The following RUNX2 variants were observed in gnomAD, a reference collection of about 807,000 sequenced individuals.
RUNX2 encodes runt-related transcription factor 2.
In RUNX2, 10 loss-of-function variants were observed where a neutral mutation model predicts 51.7. That is an observed-to-expected ratio of 0.19 (90% CI 0.12 to 0.33). The LOEUF is 0.33. Ranked by LOEUF, RUNX2 falls within the 10% of genes least tolerant of loss-of-function variation. The pLI, the probability that RUNX2 is intolerant of heterozygous loss-of-function variation, is 1.00. For synonymous variants in RUNX2, 276 were observed against 273.6 expected (o/e 1.01, Z -0.09); for missense variants, 562 against 691.3 (o/e 0.81, Z 2.10).
chr6:45,422,564 T>C (rs755490044), intron 2 of RUNX2, 29 bp from the exon 3 acceptor site: 7 of 1,385,234 alleles, frequency 5.1e-6, no homozygotes, highest in African/African-American at 4.6e-5. Flanking sequence ...TTCGCTAACT[T>C]GTGGCTGTTG....
chr6:45,549,560 G>T lies in RUNX2; in HGVS notation c.*2255G>T, dbSNP rs1412055849. 1 of 394,966 alleles carries T rather than the reference G, an allele frequency of 2.5e-6. No homozygotes were observed. Among genetic ancestry groups the T allele is most frequent in the East Asian group, 3.6e-5 (1 of 27,870 alleles). The allele number at this position is 394,966 out of a possible 1,614,324, so 24.5% of individuals were successfully genotyped here. ...TACTATTTATTGTTTGTGTGTGGTAGCTTGAAGCACACCACTGTCCATTTA... is the reference window on the plus strand; with the variant it reads ...TACTATTTATTGTTTGTGTGTGGTATCTTGAAGCACACCACTGTCCATTTA... On this transcript the variant is annotated 3_prime_UTR_variant, in exon 9 of 9. Coordinates refer to ENST00000647337, the MANE Select transcript of RUNX2 (RefSeq NM_001024630.4).
chr6:45,471,644 C>T (rs184550556), intron 5 of RUNX2, among the ~76,000 whole-genome samples: 1 of 152,168 alleles, frequency 6.6e-6, no homozygotes, highest in African/African-American at 2.4e-5. Context: ...TGGGGTTTCA[C>T]CTTGTTAGCC....
chr6:45,511,957 T>C (rs1201651620), intron 6 of RUNX2, among the ~76,000 whole-genome samples: 5 of 152,194 alleles, frequency 3.3e-5, no homozygotes, highest in African/African-American at 1.2e-4. Flanking sequence ...TAAATGACTA[T>C]TAGACTTTCG....
At chr6:45,445,921 CT>C (rs200663297) in intron 5 of RUNX2, among the ~76,000 whole-genome samples, 7 of 150,666 alleles carry the variant, frequency 4.6e-5, no homozygotes, top group Non-Finnish European at 8.9e-5. Context: ...TCTTTCAGTC[CT>C]TTTTTTTTGT....
intron 7 of RUNX2, among the ~76,000 whole-genome samples, chr6:45,515,145 G>A (rs749763456): frequency 6.6e-6 from 1 of 152,012 alleles, no homozygotes; most frequent in Admixed American, 6.6e-5. Context: ...ATGTTTTTGT[G>A]TGCATTGATC....
chr6:45,422,478 T>TAC, intron 2 of RUNX2, 115 bp from the exon 3 acceptor site: 1 of 569,520 alleles, frequency 1.8e-6, no homozygotes, highest in South Asian at 1.8e-5. Flanking sequence ...CCATCCTCTT[T>TAC]CCCCCCGTCT....
At position 45,359,618 on chromosome 6, in the gene RUNX2, C is replaced by T. The variant is rs1395812170; in HGVS notation, c.58+30834C>T. Among the ~76,000 whole-genome samples, 9 of 152,182 alleles carry T rather than the reference C, an allele frequency of 5.9e-5. 1 individual carries two copies. The East Asian group carries it at 1.5e-3, about 26-fold the overall frequency. On this transcript the variant is annotated intron_variant, in intron 2 of 8. Coordinates refer to ENST00000647337, the MANE Select transcript of RUNX2 (RefSeq NM_001024630.4). Reference sequence around the variant, plus strand: ...CCAAAATTATGAAATAACACAAATACAAGCATCTAATAAGTATATAGTAAG... The same window carrying T: ...CCAAAATTATGAAATAACACAAATATAAGCATCTAATAAGTATATAGTAAG...
In RUNX2 at chr6:45,472,079, T is replaced by C. The variant is rs146319436; in HGVS notation, c.686-19862T>C. On this transcript the variant is annotated intron_variant, in intron 5 of 8. Coordinates refer to ENST00000647337, the MANE Select transcript of RUNX2 (RefSeq NM_001024630.4). ...AGAAAATTAACTGAAGCTTGTTTGA[T>C]AGTAATTCTCATGCACGACTAGGCC... Among the ~76,000 whole-genome samples, 1,500 of 152,328 alleles carry C rather than the reference T, an allele frequency of 9.8e-3. 25 individuals are homozygous for C. Among genetic ancestry groups the C allele is most frequent in the African/African-American group, 0.031 (1,290 of 41,564 alleles).
At chr6:45,400,568 C>G (rs946518766) in intron 2 of RUNX2, among the ~76,000 whole-genome samples, 6 of 152,222 alleles carry the variant, frequency 3.9e-5, no homozygotes, top group Non-Finnish European at 8.8e-5. Context: ...CAAGACTTCT[C>G]CAAATTCCTG....
intron 2 of RUNX2, among the ~76,000 whole-genome samples, chr6:45,345,390 C>T (rs1470395143): frequency 1.3e-5 from 2 of 152,098 alleles, no homozygotes; most frequent in African/African-American, 4.8e-5. Context: ...AATTTTGTAT[C>T]TCTATTCCTT....
At chr6:45,545,311 G>T in intron 8 of RUNX2, 29 bp downstream of exon 8, 1 of 1,548,638 alleles carries the variant, frequency 6.5e-7, no homozygotes, top group African/African-American at 1.4e-5. Flanking sequence ...GCTGGGCTGG[G>T]CAGGGCTGGG....
At chr6:45,494,337 C>T (rs1490895357) in intron 6 of RUNX2, among the ~76,000 whole-genome samples, 3 of 152,194 alleles carry the variant, frequency 2.0e-5, no homozygotes, top group Non-Finnish European at 2.9e-5. Flanking sequence ...TGCAGTTGCA[C>T]AGCAAGTTAC....
rs1182756497 is a variant in RUNX2 at position 45,547,103 on chromosome 6, A to C, written c.1364A>C (p.Gln455Pro). The C allele has an allele frequency of 2.5e-6, 4 of 1,613,978 alleles. No homozygotes were observed. Residue 455 changes from glutamine (Q) to proline (P), a missense_variant, in exon 9 of 9, where the codon CAG becomes CCG. Gln to Pro is a moderately conservative substitution (Grantham distance 76, BLOSUM62 -1). Coordinates refer to ENST00000647337, the MANE Select transcript of RUNX2 (RefSeq NM_001024630.4). Reference sequence around the variant, plus strand: ...TATGGCACTTCGTCAGGATCCTATCAGTTTCCCATGGTGCCGGGGGGAGAC... The same window carrying C: ...TATGGCACTTCGTCAGGATCCTATCCGTTTCCCATGGTGCCGGGGGGAGAC... The part of the protein sequence containing the change: ...LYYGTSSGSY[Q>P]FPMVPGGDRS...
intron 5 of RUNX2, among the ~76,000 whole-genome samples, chr6:45,460,901 A>AT (rs1376710694): frequency 6.6e-6 from 1 of 152,228 alleles, no homozygotes; most frequent in Non-Finnish European, 1.5e-5. Flanking sequence ...GTATAGTAAA[A>AT]TTTTGTCATT....
At chr6:45,519,038 G>A (rs769869204) in intron 7 of RUNX2, among the ~76,000 whole-genome samples, 8 of 152,050 alleles carry the variant, frequency 5.3e-5, no homozygotes, top group African/African-American at 1.7e-4. Flanking sequence ...ACTAGAAATC[G>A]CTGAATCATA....
In RUNX2 at chr6:45,550,690, A is replaced by G. The variant is rs1802538329; in HGVS notation, c.*3385A>G. 1 of 152,682 alleles carries G rather than the reference A, an allele frequency of 6.5e-6. No individual in the cohort carries two copies. The highest frequency in any genetic ancestry group is 2.4e-5 in the African/African-American group (1 of 41,470). 9.5% of individuals were successfully genotyped at this position (152,682 alleles called of 1,614,324 possible). A position where few individuals can be genotyped will look rare whatever the true frequency, so the allele number is the denominator to read the frequency against. On this transcript the variant is annotated 3_prime_UTR_variant, in exon 9 of 9. Transcript: ENST00000647337. ...GTTTACAAATAACTGTTTGCTTTTT[A>G]ATGCAGTACTTTGAAATATATCAGC...
intron 2 of RUNX2, among the ~76,000 whole-genome samples, chr6:45,383,645 T>C (rs2150343530): frequency 6.6e-6 from 1 of 152,304 alleles, no homozygotes; most frequent in Non-Finnish European, 1.5e-5. Flanking sequence ...TTTTTTGGTC[T>C]ATTAATCCAT....
intron 2 of RUNX2, among the ~76,000 whole-genome samples, chr6:45,404,798 T>G (rs1158397095): frequency 6.6e-6 from 1 of 152,244 alleles, no homozygotes; most frequent in Non-Finnish European, 1.5e-5. Flanking sequence ...ATTTCAATGC[T>G]CCCTTCATGA....
chr6:45,547,365 ACATATATAGAGAGAG>A lies in RUNX2; in HGVS notation c.*61_*75del. 4.0e-6 allele frequency: 5 copies of A among 1,251,612 alleles called. No individual in the cohort carries two copies. The highest frequency in any genetic ancestry group is 1.5e-5 in the African/African-American group (1 of 67,956). 77.5% of individuals were successfully genotyped at this position (1,251,612 alleles called of 1,614,324 possible). On this transcript the variant is annotated 3_prime_UTR_variant, in exon 9 of 9. Coordinates refer to ENST00000647337, the MANE Select transcript of RUNX2 (RefSeq NM_001024630.4). ...CCACATCCCACACGTATCAATATAT[ACATATATAGAGAGAG>A]TGCATATATATGTATATCGATTAGC...
Sources: allele counts gnomAD v4.1 joint callset (sites outside exome capture counted in the v4.1 genomes callset), GRCh38; gene constraint gnomAD v4.1.1; transcripts MANE v1.5; gene names NCBI Gene and HGNC (gene_info 2026-07-23, HGNC 2026-07-21).